The following EPHA6 variants were observed in gnomAD, a reference collection of about 807,000 sequenced individuals.
EPHA6 encodes the protein EPH receptor A6.
A neutral mutation model predicts 112.0 loss-of-function variants in EPHA6; 50 were observed. The observed-to-expected ratio is 0.45, with a 90% confidence interval of 0.36 to 0.56. The LOEUF is 0.56. EPHA6 is among the 20% of genes least tolerant of loss of function. The pLI, the probability that EPHA6 is intolerant of heterozygous loss-of-function variation, is 0.00. For missense variants in EPHA6, 1,280 were observed against 1,417.4 expected (o/e 0.90, Z 1.56); for synonymous variants, 529 against 490.7 (o/e 1.08, Z -1.03).
intron 11 of EPHA6, among the ~76,000 whole-genome samples, chr3:97,556,424 A>G (rs1234180583): frequency 1.3e-5 from 2 of 152,046 alleles, no homozygotes; most frequent in African/African-American, 4.8e-5. Flanking sequence ...TCCTCAGGAA[A>G]CTTACAGTCA....
chr3:96,972,248 C>A (rs1442489986), intron 2 of EPHA6, among the ~76,000 whole-genome samples: 1 of 152,000 alleles, frequency 6.6e-6, no homozygotes, highest in Non-Finnish European at 1.5e-5. Context: ...AAAATATTAT[C>A]TCCAAGTATT....
chr3:97,317,675 C>G (rs2081911347), intron 5 of EPHA6, among the ~76,000 whole-genome samples: 1 of 151,806 alleles, frequency 6.6e-6, no homozygotes. Context: ...CTATAATGAT[C>G]TTAGCTATTG....
intron 10 of EPHA6, among the ~76,000 whole-genome samples, chr3:97,531,281 G>A (rs1333863000): frequency 6.6e-6 from 1 of 152,002 alleles, no homozygotes; most frequent in Non-Finnish European, 1.5e-5. Context: ...AAAATTAAAA[G>A]TCTAGAATTT....
At chr3:97,312,151 A>G (rs2081592101) in intron 5 of EPHA6, among the ~76,000 whole-genome samples, 1 of 151,676 alleles carries the variant, frequency 6.6e-6, no homozygotes, top group African/African-American at 2.4e-5. Context: ...CAACTTTACT[A>G]GATTCATTTA....
At chr3:97,466,421 C>T (rs1392477685) in intron 7 of EPHA6, 1 of 1,596,986 alleles carries the variant, frequency 6.3e-7, no homozygotes, top group Non-Finnish European at 8.6e-7. Flanking sequence ...TTCCATAGGA[C>T]TCTCCATTTC....
chr3:97,222,027 C>CAA (rs1286519110), intron 3 of EPHA6, among the ~76,000 whole-genome samples: 233 of 110,750 alleles, frequency 2.1e-3, no homozygotes, highest in African/African-American at 6.7e-3. Context: ...GACCCCTTCT[C>CAA]AAAAAAAAAA....
chr3:97,216,072 C>T (rs988815128), intron 3 of EPHA6, among the ~76,000 whole-genome samples: 2 of 152,070 alleles, frequency 1.3e-5, no homozygotes, highest in Non-Finnish European at 2.9e-5. Context: ...TTCTTTATTG[C>T]TATAAAGAAG....
At chr3:97,475,198 G>T (rs1271107052) in intron 7 of EPHA6, among the ~76,000 whole-genome samples, 154 bp from the exon 8 acceptor site, 1 of 151,960 alleles carries the variant, frequency 6.6e-6, no homozygotes, top group Non-Finnish European at 1.5e-5. Context: ...CATTTATTTT[G>T]GGTTTGCTTC....
At chr3:97,275,908 A>T (rs1415442401) in intron 5 of EPHA6, among the ~76,000 whole-genome samples, 1 of 152,108 alleles carries the variant, frequency 6.6e-6, no homozygotes. Context: ...GCTGTAGCCT[A>T]GGAATAGTCA....
intron 2 of EPHA6, among the ~76,000 whole-genome samples, chr3:96,958,246 C>T (rs1023956068): frequency 2.0e-5 from 3 of 151,542 alleles, no homozygotes; most frequent in Non-Finnish European, 2.9e-5. Context: ...GCCGGTACCC[C>T]GCCATTGCAC....
chr3:96,981,007 T>C (rs1252570965), intron 2 of EPHA6, among the ~76,000 whole-genome samples: 4 of 152,190 alleles, frequency 2.6e-5, no homozygotes, highest in Non-Finnish European at 4.4e-5. Context: ...CAGGGACAAT[T>C]TGACTTCCTC....
At chr3:97,744,837 T>C (rs1001581767) in intron 16 of EPHA6, among the ~76,000 whole-genome samples, 2 of 151,998 alleles carry the variant, frequency 1.3e-5, no homozygotes, top group African/African-American at 2.4e-5. Flanking sequence ...GCATCGAGAA[T>C]GGCATAGGAG....
intron 5 of EPHA6, among the ~76,000 whole-genome samples, chr3:97,390,018 A>C (rs1577206531): frequency 6.6e-6 from 1 of 152,162 alleles, no homozygotes; most frequent in East Asian, 1.9e-4. Flanking sequence ...GGTAAAACAC[A>C]GGGCTCAGCC....
chr3:97,342,215 T>C (rs1238423518), intron 5 of EPHA6, among the ~76,000 whole-genome samples: 1 of 152,226 alleles, frequency 6.6e-6, no homozygotes, highest in Non-Finnish European at 1.5e-5. Context: ...TGTGTGTTTT[T>C]ATTTTTAAGT....
chr3:97,736,464 AGAGAGAGTGTGTGTGT>A (rs1223157991), intron 16 of EPHA6, among the ~76,000 whole-genome samples: 56 of 143,346 alleles, frequency 3.9e-4, no homozygotes, highest in African/African-American at 1.3e-3. Context: ...AGAGAGAGAG[AGAGAGAGTGTGTGTGT>A]GTGTGTGTGT....
At chr3:97,470,075 T>G (rs2091182250) in intron 7 of EPHA6, among the ~76,000 whole-genome samples, 1 of 151,720 alleles carries the variant, frequency 6.6e-6, no homozygotes, top group Admixed American at 6.6e-5. Flanking sequence ...TTTCCTCAGC[T>G]TTCATTTGTA....
chr3:97,738,118 G>GTGAA (rs1227373386), intron 16 of EPHA6, among the ~76,000 whole-genome samples: 1 of 151,492 alleles, frequency 6.6e-6, no homozygotes, highest in Non-Finnish European at 1.5e-5. Context: ...TAGAGGAAGA[G>GTGAA]TGAATATAAG....
intron 3 of EPHA6, among the ~76,000 whole-genome samples, chr3:97,058,468 A>C (rs1192461181): frequency 6.6e-6 from 1 of 151,920 alleles, no homozygotes; most frequent in East Asian, 1.9e-4. Context: ...GCCCCAGCTA[A>C]TTTTTGTATT....
At chr3:97,039,836 A>G (rs1410186639) in intron 3 of EPHA6, among the ~76,000 whole-genome samples, 1 of 152,142 alleles carries the variant, frequency 6.6e-6, no homozygotes, top group East Asian at 1.9e-4. Context: ...TCCTTGTAAT[A>G]TAATTGGACA....
Sources: gnomAD v4.1 joint callset for allele counts (sites outside exome capture counted in the v4.1 genomes callset) on GRCh38, gnomAD v4.1.1 for gene constraint, MANE v1.5 for transcripts, NCBI Gene and HGNC (gene_info 2026-07-23, HGNC 2026-07-21) for gene names.